FGD4: variants seen among roughly 807,000 people sequenced by gnomAD.
FGD4 encodes FYVE, RhoGEF and PH domain containing 4.
FGD4 carries 42 observed loss-of-function variants against 102.0 expected under a neutral mutation model. That is an observed-to-expected ratio of 0.41 (90% CI 0.32 to 0.53). The LOEUF (loss-of-function observed/expected upper bound fraction) is 0.53. Among genes scored for constraint, FGD4 ranks in the 20% least tolerant of loss-of-function variants. The probability of loss-of-function intolerance (pLI) is 0.21; values close to 1 mark genes in which losing one functional copy is unlikely to be tolerated. For synonymous variants in FGD4, 380 were observed against 375.7 expected, an observed-to-expected ratio of 1.01 and a Z score of -0.13; for missense variants, 902 against 1,078.2, an observed-to-expected ratio of 0.84 and a Z score of 2.29.
intron 1 of FGD4, among the ~76,000 whole-genome samples, chr12:32,467,085 A>G (rs1196375409): frequency 1.3e-5 from 2 of 152,164 alleles, no homozygotes; most frequent in African/African-American, 4.8e-5. Flanking sequence ...AACCAAATAA[A>G]AATAGGCAAG....
At chr12:32,498,951 T>C (rs1042916914) in intron 1 of FGD4, among the ~76,000 whole-genome samples, 6 of 152,296 alleles carry the variant, frequency 3.9e-5, no homozygotes, top group African/African-American at 1.2e-4. Flanking sequence ...CTCTAAGGAA[T>C]TGCTCCTGCC....
chr12:32,580,292 G>A (rs1398729761), intron 3 of FGD4, among the ~76,000 whole-genome samples: 1 of 152,030 alleles, frequency 6.6e-6, no homozygotes, highest in Non-Finnish European at 1.5e-5. Context: ...GGTAATTATT[G>A]TAAGGGGCTT....
chr12:32,571,815 T>C (rs552354897), intron 2 of FGD4, among the ~76,000 whole-genome samples: 2 of 152,216 alleles, frequency 1.3e-5, no homozygotes, highest in Admixed American at 1.3e-4. Context: ...CAATGGAAGA[T>C]GCAATTCAGT....
At chr12:32,473,295 G>T (rs1426617773) in intron 1 of FGD4, among the ~76,000 whole-genome samples, 4 of 151,876 alleles carry the variant, frequency 2.6e-5, no homozygotes, top group Non-Finnish European at 4.4e-5. Flanking sequence ...TTTGCTCTTT[G>T]CAATAACTCT....
chr12:32,531,342 C>T (rs1388154139), intron 1 of FGD4, among the ~76,000 whole-genome samples: 1 of 152,082 alleles, frequency 6.6e-6, no homozygotes, highest in African/African-American at 2.4e-5. Context: ...AATTCAACCT[C>T]TTTAGGGTAC....
chr12:32,626,219 C>A (rs1028940981), intron 14 of FGD4, among the ~76,000 whole-genome samples: 1 of 152,102 alleles, frequency 6.6e-6, no homozygotes, highest in African/African-American at 2.4e-5. Flanking sequence ...CCGAGGCAGG[C>A]AGATCACCTG....
At chr12:32,447,272 G>T (rs1008368093) in intron 1 of FGD4, among the ~76,000 whole-genome samples, 1 of 152,128 alleles carries the variant, frequency 6.6e-6, no homozygotes, top group Non-Finnish European at 1.5e-5. Flanking sequence ...ACCCTTGCTT[G>T]TACCCCTTAC....
chr12:32,564,688 A>G (rs1945037613), intron 2 of FGD4, among the ~76,000 whole-genome samples: 1 of 152,240 alleles, frequency 6.6e-6, no homozygotes, highest in African/African-American at 2.4e-5. Context: ...TCGTGTACTT[A>G]TCAAGCATGT....
intron 1 of FGD4, among the ~76,000 whole-genome samples, chr12:32,494,635 CA>C (rs1937679283): frequency 6.6e-6 from 1 of 152,158 alleles, no homozygotes; most frequent in South Asian, 2.1e-4. Flanking sequence ...ATGGAGGAGA[CA>C]GCAGGACACA....
Position 32,644,058 on chromosome 12 carries a change from A to C in FGD4, c.*3525A>C, listed in dbSNP as rs554817357. ...CAGAATAGATTAATGAAGATTTCCT[A>C]TATCATATGATATTTGTGTTAGTGG... On this transcript the variant is annotated 3_prime_UTR_variant, in exon 17 of 17. Coordinates refer to ENST00000534526, the MANE Select transcript of FGD4 (RefSeq NM_001370298.3). 6.6e-6 allele frequency: 1 copy of C among 152,186 alleles called. No homozygotes were observed. The highest frequency in any genetic ancestry group is 1.5e-5 in the Non-Finnish European group (1 of 67,996). The allele number at this position is 152,186 out of a possible 1,614,324, so 9.4% of individuals were successfully genotyped here. A position where few individuals can be genotyped will look rare whatever the true frequency, so the allele number is the denominator to read the frequency against.
rs1258154530 is a variant in FGD4, at chr12:32,643,272, C to G, written c.*2739C>G. The G allele has an allele frequency of 1.3e-5, 2 of 152,466 alleles. No homozygotes were observed. The highest frequency in any genetic ancestry group is 2.9e-5 in the Non-Finnish European group (2 of 67,948). The allele number at this position is 152,466 out of a possible 1,614,324, so 9.4% of individuals were successfully genotyped here. On this transcript the variant is annotated 3_prime_UTR_variant, in exon 17 of 17. Coordinates refer to ENST00000534526, the MANE Select transcript of FGD4 (RefSeq NM_001370298.3). ...AGCCACTTTTGTAATAATGGCATCACAGTGTCATCATGTATGCAAGCAATA... is the reference window on the plus strand; with the variant it reads ...AGCCACTTTTGTAATAATGGCATCAGAGTGTCATCATGTATGCAAGCAATA...
chr12:32,409,588 C>T (rs1333909840), intron 1 of FGD4, among the ~76,000 whole-genome samples: 1 of 151,934 alleles, frequency 6.6e-6, no homozygotes, highest in African/African-American at 2.4e-5. Context: ...TGCCCAGCCT[C>T]CCCCCAGTAA....
chr12:32,601,128 C>T (rs1948395625), intron 5 of FGD4, 150 bp from the exon 6 acceptor site: 1 of 726,524 alleles, frequency 1.4e-6, no homozygotes, highest in Non-Finnish European at 2.3e-6. Flanking sequence ...AAAGCATATA[C>T]TCACTCCTAA....
intron 1 of FGD4, among the ~76,000 whole-genome samples, chr12:32,468,955 A>C (rs979420200): frequency 1.3e-4 from 20 of 151,980 alleles, no homozygotes; most frequent in Admixed American, 8.5e-4. Flanking sequence ...CCTCCCGAGT[A>C]GCTGGGATTA....
At chr12:32,530,182 T>C (rs1367394808) in intron 1 of FGD4, among the ~76,000 whole-genome samples, 5 of 152,036 alleles carry the variant, frequency 3.3e-5, no homozygotes, top group Non-Finnish European at 7.4e-5. Flanking sequence ...TAAAAAACAT[T>C]ATTATGAAAT....
intron 1 of FGD4, among the ~76,000 whole-genome samples, chr12:32,444,164 C>A (rs923460112): frequency 1.3e-5 from 2 of 151,668 alleles, no homozygotes; most frequent in African/African-American, 4.8e-5. Flanking sequence ...GCTGGAACTA[C>A]AGGCATGAGC....
chr12:32,473,815 C>T (rs1422126273), intron 1 of FGD4, among the ~76,000 whole-genome samples: 1 of 152,112 alleles, frequency 6.6e-6, no homozygotes, highest in Non-Finnish European at 1.5e-5. Flanking sequence ...GGACCGGGCG[C>T]GGTGGCTCAT....
chr12:32,544,480 C>G lies in FGD4; in HGVS notation c.167-19657C>G, dbSNP rs1431831831. On this transcript the variant is annotated intron_variant, in intron 1 of 16. Transcript: ENST00000534526. This position sits in a 1 kb window ranked among gnomAD's most constrained non-coding sequence, Gnocchi z 4.1. ...GTGCAGTGGCTCATGCCTGTAATCC[C>G]AGCACTCTGGGAGGCTGAGGCAGGT... is the stretch of plus-strand genomic sequence containing the variant. Among the ~76,000 whole-genome samples the G allele has an allele frequency of 6.6e-6, 1 of 151,960 alleles. No homozygotes were observed. Among genetic ancestry groups the G allele is most frequent in the East Asian group, 1.9e-4 (1 of 5,154 alleles).
At chr12:32,555,151 G>A (rs909761509) in intron 1 of FGD4, among the ~76,000 whole-genome samples, 1 of 152,212 alleles carries the variant, frequency 6.6e-6, no homozygotes, top group African/African-American at 2.4e-5. Flanking sequence ...GATAGTGCTA[G>A]ATGGTAAAAT....
Sources: gnomAD v4.1 joint callset for allele counts (sites outside exome capture counted in the v4.1 genomes callset) on GRCh38, gnomAD v4.1.1 for gene constraint, Gnocchi (gnomAD v3.1) non-coding constraint, MANE v1.5 for transcripts, NCBI Gene and HGNC (gene_info 2026-07-23, HGNC 2026-07-21) for gene names.